ZNF804A: variants seen among roughly 807,000 people sequenced by gnomAD.
The protein encoded by ZNF804A is zinc finger protein 804A.
A neutral mutation model predicts 16.5 loss-of-function variants in ZNF804A; 2 were observed. The observed-to-expected ratio is 0.12, with a 90% CI of 0.05 to 0.38. ZNF804A has a LOEUF of 0.38. Among genes scored for constraint, ZNF804A ranks in the 10% least tolerant of loss-of-function variants. The pLI, the probability that ZNF804A is intolerant of heterozygous loss-of-function variation, is 0.99. For missense variants in ZNF804A, 1,473 were observed against 1,390.7 expected (o/e 1.06, Z -0.94); for synonymous variants, 534 against 489.6 (o/e 1.09, Z -1.20).
chr2:184,727,867 T>G (rs1254054611), intron 1 of ZNF804A, among the ~76,000 whole-genome samples: 1 of 151,748 alleles, frequency 6.6e-6, no homozygotes, highest in Admixed American at 6.6e-5. Context: ...CAGAATTTCA[T>G]TTGGTATTGT....
intron 1 of ZNF804A, among the ~76,000 whole-genome samples, chr2:184,779,504 T>C (rs1033037783): frequency 2.0e-5 from 3 of 151,630 alleles, no homozygotes; most frequent in Non-Finnish European, 4.4e-5. Context: ...AAGTTGTAGA[T>C]AGAATTAAGT....
intron 1 of ZNF804A, among the ~76,000 whole-genome samples, chr2:184,745,726 G>A (rs1475976883): frequency 1.2e-4 from 18 of 146,720 alleles, no homozygotes; most frequent in African/African-American, 4.0e-4. Flanking sequence ...TGTCTGAAGT[G>A]AAAAAAAAAA....
At chr2:184,649,766 G>C (rs1691949133) in intron 1 of ZNF804A, among the ~76,000 whole-genome samples, 1 of 150,240 alleles carries the variant, frequency 6.7e-6, no homozygotes, top group Non-Finnish European at 1.5e-5. Flanking sequence ...AGTAATTAAA[G>C]CTCTGAACAG....
At position 184,812,284 on chromosome 2, in the gene ZNF804A, G is replaced by C. The variant is rs901206135; in HGVS notation, c.112-54085G>C. 6.4e-4 allele frequency among the ~76,000 whole-genome samples: 98 copies of C among 152,178 alleles called. 1 individual carries two copies. Among genetic ancestry groups the C allele is most frequent in the African/African-American group, 2.1e-3 (89 of 41,540 alleles). On this transcript the variant is annotated intron_variant, in intron 1 of 3. Coordinates refer to ENST00000302277, the MANE Select transcript of ZNF804A (RefSeq NM_194250.2). ...CGCCAACCACACATTGTCTGAGTTGGGATATTCTGTGAAATCTGGTCAGAG... is the reference window on the plus strand; with the variant it reads ...CGCCAACCACACATTGTCTGAGTTGCGATATTCTGTGAAATCTGGTCAGAG...
At chr2:184,778,026 T>C (rs999861029) in intron 1 of ZNF804A, among the ~76,000 whole-genome samples, 6 of 151,732 alleles carry the variant, frequency 4.0e-5, no homozygotes, top group Non-Finnish European at 3.0e-5. Flanking sequence ...TTAGCTTTTT[T>C]AATGTGACTT....
intron 1 of ZNF804A, among the ~76,000 whole-genome samples, chr2:184,612,703 T>C (rs1487730709): frequency 6.6e-6 from 1 of 152,092 alleles, no homozygotes; most frequent in Non-Finnish European, 1.5e-5. Flanking sequence ...CCAAAGGATG[T>C]GATTTTTATG....
chr2:184,737,672 A>G (rs1319544053), intron 1 of ZNF804A, among the ~76,000 whole-genome samples: 2 of 152,198 alleles, frequency 1.3e-5, no homozygotes, highest in African/African-American at 4.8e-5. Context: ...ATTCATGAGA[A>G]CTAAGGTGTT....
At chr2:184,630,671 A>G (rs895334191) in intron 1 of ZNF804A, among the ~76,000 whole-genome samples, 2 of 152,170 alleles carry the variant, frequency 1.3e-5, no homozygotes, top group East Asian at 1.9e-4. Context: ...TATGCAACTA[A>G]TGATCCATTC....
intron 1 of ZNF804A, among the ~76,000 whole-genome samples, chr2:184,657,273 A>C (rs1217983586): frequency 6.6e-6 from 1 of 151,974 alleles, no homozygotes; most frequent in African/African-American, 2.4e-5. Context: ...TTTGGTAGAG[A>C]TGGGGTTTTC....
chr2:184,748,798 G>C (rs1454609020), intron 1 of ZNF804A, among the ~76,000 whole-genome samples: 1 of 151,368 alleles, frequency 6.6e-6, no homozygotes. Flanking sequence ...TCGTTCTTCT[G>C]CATATGGTTA....
chr2:184,897,715 T>G (rs1289513816), intron 2 of ZNF804A, among the ~76,000 whole-genome samples: 4 of 152,142 alleles, frequency 2.6e-5, no homozygotes, highest in Non-Finnish European at 4.4e-5. Context: ...CATATTTTCT[T>G]GCTCAAATTA....
In ZNF804A at chr2:184,661,502, G is replaced by A. The variant is rs118061110; in HGVS notation, c.111+62432G>A. ...AAGAAAAGCTCTCAGCTGTGAGAGAGGACCCTAAAAGTGGGGTAGCCATCC... is the reference window on the plus strand; with the variant it reads ...AAGAAAAGCTCTCAGCTGTGAGAGAAGACCCTAAAAGTGGGGTAGCCATCC... On this transcript the variant is annotated intron_variant, in intron 1 of 3. Coordinates refer to ENST00000302277, the MANE Select transcript of ZNF804A (RefSeq NM_194250.2). Among the ~76,000 whole-genome samples, 121 of 152,306 alleles carry A rather than the reference G, an allele frequency of 7.9e-4. No individual in the cohort carries two copies. In the East Asian group the frequency reaches 0.021, roughly 27 times the overall value.
chr2:184,935,816 A>C lies in ZNF804A; in HGVS notation c.420A>C (p.Thr140=). Residue 140 remains threonine (T), a synonymous_variant, in exon 4 of 4, where the codon ACA becomes ACC. Coordinates refer to ENST00000302277, the MANE Select transcript of ZNF804A (RefSeq NM_194250.2). The part of the protein sequence containing the change: ...APGSGPMFKS[T]TVTVRENCNE... ...GAAGTGGCCCCATGTTCAAATCAACAACTGTTACTGTGAGAGAAAACTGTA... is the reference window on the plus strand; with the variant it reads ...GAAGTGGCCCCATGTTCAAATCAACCACTGTTACTGTGAGAGAAAACTGTA... 1 of 1,611,734 alleles carries C rather than the reference A, an allele frequency of 6.2e-7. No homozygotes were observed. The highest frequency in any genetic ancestry group is 8.5e-7 in the Non-Finnish European group (1 of 1,178,842).
At position 184,893,134 on chromosome 2, in the gene ZNF804A, C is replaced by G. The variant is rs557416212; in HGVS notation, c.255+26622C>G. Among the ~76,000 whole-genome samples the G allele has an allele frequency of 3.3e-5, 5 of 152,020 alleles. No homozygotes were observed. In the South Asian group the frequency reaches 1.0e-3, roughly 32 times the overall value. ...TTCAATTTAATATATAAAACATTAT[C>G]TACAAGTATATATTAAAATATTCTC... is the stretch of plus-strand genomic sequence containing the variant. On this transcript the variant is annotated intron_variant, in intron 2 of 3. Coordinates refer to ENST00000302277, the MANE Select transcript of ZNF804A (RefSeq NM_194250.2).
intron 2 of ZNF804A, among the ~76,000 whole-genome samples, chr2:184,895,688 C>A (rs75405401): frequency 0.062 from 9,403 of 152,246 alleles, 996 homozygotes; most frequent in African/African-American, 0.21. Flanking sequence ...ACTTGCAATT[C>A]TCAACTCTAG....
intron 1 of ZNF804A, among the ~76,000 whole-genome samples, chr2:184,859,965 G>T (rs1695770894): frequency 1.3e-5 from 2 of 152,204 alleles, no homozygotes; most frequent in South Asian, 2.1e-4. Flanking sequence ...CCACTAGGAA[G>T]GGTTTGGCAT....
chr2:184,696,162 A>C (rs1692828458), intron 1 of ZNF804A, among the ~76,000 whole-genome samples: 1 of 152,162 alleles, frequency 6.6e-6, no homozygotes, highest in Admixed American at 6.6e-5. Flanking sequence ...CTTCTTAGTT[A>C]GAGGACAAAA....
intron 1 of ZNF804A, among the ~76,000 whole-genome samples, chr2:184,840,928 G>A (rs966939515): frequency 6.6e-6 from 1 of 152,032 alleles, no homozygotes; most frequent in African/African-American, 2.4e-5. Context: ...ATATTCAGTT[G>A]AATTTTACTT....
chr2:184,768,397 G>T (rs940109971), intron 1 of ZNF804A, among the ~76,000 whole-genome samples: 2 of 151,986 alleles, frequency 1.3e-5, no homozygotes, highest in African/African-American at 4.8e-5. Flanking sequence ...TGGACTTTAT[G>T]AAACATTGAA....
Sources: gnomAD v4.1 joint callset for allele counts (sites outside exome capture counted in the v4.1 genomes callset) on GRCh38, gnomAD v4.1.1 for gene constraint, MANE v1.5 for transcripts, NCBI Gene and HGNC (gene_info 2026-07-23, HGNC 2026-07-21) for gene names.